Variants in NEURL1 observed in about 807,000 individuals in gnomAD.
The protein encoded by NEURL1 is E3 ubiquitin-protein ligase NEURL1.
Under a neutral mutation model 41.2 loss-of-function variants are expected in NEURL1, and 26 were observed. The observed-to-expected ratio is 0.63, with a 90% CI of 0.46 to 0.87. NEURL1 has a LOEUF of 0.87. NEURL1 is among the 40% of genes least tolerant of loss of function. The probability of loss-of-function intolerance (pLI) is 0.00; values close to 1 mark genes in which losing one functional copy is unlikely to be tolerated. For synonymous variants in NEURL1, 400 were observed against 402.3 expected (o/e 0.99, Z 0.07); for missense variants, 761 against 871.1 (o/e 0.87, Z 1.59).
chr10:103,520,580 T>C (rs1032682674), intron 1 of NEURL1, among the ~76,000 whole-genome samples: 3 of 152,210 alleles, frequency 2.0e-5, no homozygotes, highest in African/African-American at 7.2e-5. Context: ...TCAGGCCATC[T>C]GGATGTTTAC....
intron 1 of NEURL1, among the ~76,000 whole-genome samples, chr10:103,518,240 A>AG (rs1427716341): frequency 6.6e-6 from 1 of 152,074 alleles, no homozygotes; most frequent in African/African-American, 2.4e-5. Context: ...ATTTAAAAAA[A>AG]AAGTCTACTA....
chr10:103,552,729 A>G (rs2035055854), intron 1 of NEURL1, among the ~76,000 whole-genome samples: 1 of 152,162 alleles, frequency 6.6e-6, no homozygotes, highest in East Asian at 1.9e-4. Context: ...GGATCAATAA[A>G]TGTGGGTAGA....
At chr10:103,575,173 G>A (rs941736451) in intron 3 of NEURL1, among the ~76,000 whole-genome samples, 1 of 145,294 alleles carries the variant, frequency 6.9e-6, no homozygotes, top group Non-Finnish European at 1.5e-5. Context: ...CCCACTTCCC[G>A]CCCCTCCCTC....
At chr10:103,539,676 C>T (rs1483461383) in intron 1 of NEURL1, among the ~76,000 whole-genome samples, 1 of 152,206 alleles carries the variant, frequency 6.6e-6, no homozygotes, top group African/African-American at 2.4e-5. Context: ...AAATGGAACT[C>T]ATCTTATGGC....
rs1403417357 is a variant in NEURL1 at position 103,508,629 on chromosome 10, G to A, written c.85+14157G>A. ...GCAGAAGGGGTTTTCCCTTTCTGAG[G>A]CTGGCGTTTGCAGATCTGTGGGACT... On this transcript the variant is annotated intron_variant, in intron 1 of 5. Transcript: ENST00000369780. The surrounding 1 kb of genome is among the most constrained non-coding windows in gnomAD (Gnocchi z 4.3). Among the ~76,000 whole-genome samples, 3 of 152,184 alleles carry A rather than the reference G, an allele frequency of 2.0e-5. No individual in the cohort carries two copies. Among genetic ancestry groups the A allele is most frequent in the Non-Finnish European group, 4.4e-5 (3 of 68,040 alleles).
intron 3 of NEURL1, among the ~76,000 whole-genome samples, chr10:103,584,286 G>A (rs2035848089): frequency 1.3e-5 from 2 of 152,190 alleles, no homozygotes; most frequent in African/African-American, 4.8e-5. Flanking sequence ...CATATAGCAA[G>A]CACCTGTGAG....
At chr10:103,529,818 G>T (rs1414903443) in intron 1 of NEURL1, among the ~76,000 whole-genome samples, 1 of 152,064 alleles carries the variant, frequency 6.6e-6, no homozygotes, top group Admixed American at 6.6e-5. Flanking sequence ...ATTTTCTTTG[G>T]GTCAGGGGTC....
At chr10:103,531,699 T>A (rs890577596) in intron 1 of NEURL1, among the ~76,000 whole-genome samples, 4 of 151,798 alleles carry the variant, frequency 2.6e-5, no homozygotes, top group Admixed American at 2.0e-4. Flanking sequence ...TTTTTTTTTT[T>A]AGTAGAGATG....
At chr10:103,551,787 G>A (rs2035036940) in intron 1 of NEURL1, among the ~76,000 whole-genome samples, 1 of 152,184 alleles carries the variant, frequency 6.6e-6, no homozygotes, top group South Asian at 2.1e-4. Flanking sequence ...GTGATTGTGG[G>A]AAACAGGCTC....
intron 1 of NEURL1, among the ~76,000 whole-genome samples, chr10:103,522,724 A>G (rs1479212457): frequency 2.6e-5 from 4 of 151,956 alleles, no homozygotes; most frequent in Non-Finnish European, 5.9e-5. Flanking sequence ...ATACATAAAT[A>G]TTTTCACCAA....
chr10:103,514,767 C>G (rs1388552043), intron 1 of NEURL1, among the ~76,000 whole-genome samples: 1 of 152,172 alleles, frequency 6.6e-6, no homozygotes, highest in African/African-American at 2.4e-5. Flanking sequence ...ACCCTAAGGG[C>G]CCCATACGTA....
chr10:103,547,583 A>G (rs1048826356), intron 1 of NEURL1, among the ~76,000 whole-genome samples: 2 of 152,214 alleles, frequency 1.3e-5, no homozygotes, highest in Non-Finnish European at 2.9e-5. Flanking sequence ...CCCCAGAGGA[A>G]GGAGGGGGGC....
At chr10:103,525,048 A>C (rs962329049) in intron 1 of NEURL1, among the ~76,000 whole-genome samples, 2 of 152,108 alleles carry the variant, frequency 1.3e-5, no homozygotes, top group Non-Finnish European at 2.9e-5. Flanking sequence ...TCACAATATT[A>C]ATTCTTTTAA....
At chr10:103,575,649 A>G (rs1344110393) in intron 3 of NEURL1, among the ~76,000 whole-genome samples, 1 of 152,130 alleles carries the variant, frequency 6.6e-6, no homozygotes, top group East Asian at 1.9e-4. Flanking sequence ...AATGGTGCCC[A>G]TGCCATGGCC....
At chr10:103,524,840 T>G (rs1255056959) in intron 1 of NEURL1, among the ~76,000 whole-genome samples, 1 of 152,174 alleles carries the variant, frequency 6.6e-6, no homozygotes, top group Non-Finnish European at 1.5e-5. Flanking sequence ...GTTGTTTTGG[T>G]CTTTTTAATA....
chr10:103,584,637 A>G lies in NEURL1; in HGVS notation c.751A>G (p.Ser251Gly), dbSNP rs2133884861. Residue 251 changes from serine (S) to glycine (G), a missense_variant, in exon 4 of 6, where the codon AGC becomes GGC. Coordinates refer to ENST00000369780, the MANE Select transcript of NEURL1 (RefSeq NM_004210.5). ...READDARLSV[S>G]LCDLNVPGAD... ...GGCGGACGACGCGCGCCTCTCGGTG[A>G]GCCTATGCGACCTCAACGTGCCGGG... 1 of 1,422,420 alleles carries G rather than the reference A, an allele frequency of 7.0e-7. No homozygotes were observed. Among genetic ancestry groups the G allele is most frequent in the South Asian group, 1.4e-5 (1 of 69,266 alleles). 88.1% of individuals were successfully genotyped at this position (1,422,420 alleles called of 1,614,324 possible). A position where few individuals can be genotyped will look rare whatever the true frequency, so the allele number is the denominator to read the frequency against.
Position 103,590,942 on chromosome 10 carries a change from CTCTT to C in NEURL1, c.*575_*578del, listed in dbSNP as rs2036031235. 6.5e-6 allele frequency: 1 copy of C among 153,846 alleles called. No individual in the cohort carries two copies. Among genetic ancestry groups the C allele is most frequent in the Admixed American group, 6.5e-5 (1 of 15,446 alleles). 9.5% of individuals were successfully genotyped at this position (153,846 alleles called of 1,614,324 possible). On this transcript the variant is annotated 3_prime_UTR_variant, in exon 6 of 6. Coordinates refer to ENST00000369780, the MANE Select transcript of NEURL1 (RefSeq NM_004210.5). ...TCCCTCTCTGACCTATGCCTACCTTCTCTTTCTTCGTTCCCTGCCCACTGGGCAT... is the reference window on the plus strand; with the variant it reads ...TCCCTCTCTGACCTATGCCTACCTTCTCTTCGTTCCCTGCCCACTGGGCAT...
Position 103,571,856 on chromosome 10 carries a change from G to A in NEURL1, c.649+34G>A, listed in dbSNP as rs773815798. ...CTGCCCCTCCGGCCCCTTGGTGCAG[G>A]GGACACCCCTCAGCCTCTGGGCACT... On this transcript the variant is annotated intron_variant, in intron 3 of 5. Transcript: ENST00000369780. 3.1e-5 allele frequency: 48 copies of A among 1,557,342 alleles called. No homozygotes were observed. The Admixed American group carries it at 8.2e-4, about 27-fold the overall frequency.
At chr10:103,555,495 T>C in intron 1 of NEURL1, 1 of 1,211,892 alleles carries the variant, frequency 8.3e-7, no homozygotes, top group Non-Finnish European at 1.1e-6. Context: ...GCGCTGGGGC[T>C]GAGGGCTTGG....
Sources: gnomAD v4.1 joint callset for allele counts (sites outside exome capture counted in the v4.1 genomes callset) on GRCh38, gnomAD v4.1.1 for gene constraint, Gnocchi (gnomAD v3.1) non-coding constraint, MANE v1.5 for transcripts, NCBI Gene and HGNC (gene_info 2026-07-23, HGNC 2026-07-21) for gene names.